Variants in KIF22 observed in about 807,000 individuals in gnomAD.
KIF22 encodes the protein kinesin family member 22.
KIF22 carries 62 observed loss-of-function variants against 73.0 expected under a neutral mutation model. The observed-to-expected ratio is 0.85, with a 90% CI of 0.69 to 1.05. KIF22 has a LOEUF of 1.05. Among genes scored for constraint, KIF22 ranks in the 50% least tolerant of loss-of-function variants. KIF22 has a pLI of 0.00. For synonymous variants in KIF22, 411 were observed against 340.1 expected (o/e 1.21, Z -2.29); for missense variants, 854 against 870.1 (o/e 0.98, Z 0.23).
At chr16:29,804,096 T>A (rs754366561) in intron 11 of KIF22, 31 bp downstream of exon 11, 2 of 1,570,924 alleles carry the variant, frequency 1.3e-6, no homozygotes, top group East Asian at 4.5e-5. Flanking sequence ...AGGCTACACC[T>A]GGAGCCCAGA....
At position 29,798,979 on chromosome 16, in the gene KIF22, T is replaced by C; in HGVS notation, c.554T>C (p.Leu185Ser). The C allele has an allele frequency of 6.2e-7, 1 of 1,614,074 alleles. No homozygotes were observed. The highest frequency in any genetic ancestry group is 1.1e-5 in the South Asian group (1 of 91,084). ...TCCCCTTCACTGCTTACACAGGTAT[T>C]AGACCTCCTGGACCCTGCTTCGGGA... ...SYLEIYQEKVLDLLDPASGDL... is the reference protein window; with the variant it reads ...SYLEIYQEKVSDLLDPASGDL... Residue 185 changes from leucine to serine, a missense_variant, in exon 5 of 14, where the codon TTA becomes TCA. Coordinates refer to ENST00000160827, the MANE Select transcript of KIF22 (RefSeq NM_007317.3). This position sits in a 1 kb window ranked among gnomAD's most constrained non-coding sequence, Gnocchi z 4.1.
Position 29,805,044 on chromosome 16 carries a change from TG to T in KIF22, c.1890+23del. On this transcript the variant is annotated intron_variant, in intron 12 of 13. Coordinates refer to ENST00000160827, the MANE Select transcript of KIF22 (RefSeq NM_007317.3). ...TCAGCCAGGTAGCAGCCCACTGGAC[TG>T]GGGGAGGGCGGGGGCGGGGGAGACC... The T allele has an allele frequency of 3.1e-6, 2 of 653,044 alleles. No homozygotes were observed. Among genetic ancestry groups the T allele is most frequent in the Non-Finnish European group, 5.4e-6 (2 of 368,034 alleles). 40.5% of individuals were successfully genotyped at this position (653,044 alleles called of 1,614,324 possible). A position where few individuals can be genotyped will look rare whatever the true frequency, so the allele number is the denominator to read the frequency against.
intron 8 of KIF22, among the ~76,000 whole-genome samples, 179 bp from the exon 9 acceptor site, chr16:29,802,590 C>T (rs984558611): frequency 2.6e-5 from 4 of 152,114 alleles, no homozygotes; most frequent in East Asian, 1.9e-4. Context: ...CTGGCATCCC[C>T]GAGCAGTCAC....
chr16:29,792,413 A>C, intron 1 of KIF22: 1 of 985,220 alleles, frequency 1.0e-6, no homozygotes, highest in Non-Finnish European at 1.2e-6. Flanking sequence ...TCATGATGGA[A>C]ATGAACAAGC....
At position 29,803,565 on chromosome 16, in the gene KIF22, GGCAAA is replaced by G; in HGVS notation, c.1569_1573del (p.Lys524ProfsTer29). 3 of 1,613,302 alleles carry G rather than the reference GGCAAA, an allele frequency of 1.9e-6. No individual in the cohort carries two copies. The highest frequency in any genetic ancestry group is 2.5e-6 in the Non-Finnish European group (3 of 1,179,580). ...CCCTTTCACATCGCACAGTCACAGG[GGCAAA>G]GCCCCTGAAAAAGGCTGTGGTGATG... On this transcript the variant is annotated frameshift_variant, in exon 10 of 14. Transcript: ENST00000160827. LOFTEE classifies it high-confidence loss of function.
At chr16:29,792,303 T>G (rs1482610684) in intron 1 of KIF22, among the ~76,000 whole-genome samples, 2 of 152,238 alleles carry the variant, frequency 1.3e-5, no homozygotes, top group African/African-American at 4.8e-5. Context: ...ATGAAAGGGC[T>G]AGACTCTTGT....
chr16:29,796,242 G>A (rs1213329064), intron 1 of KIF22, among the ~76,000 whole-genome samples: 13 of 135,028 alleles, frequency 9.6e-5, no homozygotes, highest in Non-Finnish European at 1.4e-4. Flanking sequence ...CTGCACTCCA[G>A]CCTGGGTGAC....
intron 11 of KIF22, chr16:29,804,542 G>A (rs1315020102): frequency 4.5e-6 from 3 of 672,448 alleles, no homozygotes; most frequent in Non-Finnish European, 8.2e-6. Context: ...CTTATTTTGT[G>A]CTTTACATTC....
intron 8 of KIF22, 88 bp from the exon 9 acceptor site, chr16:29,802,681 C>G: frequency 7.9e-7 from 1 of 1,263,690 alleles, no homozygotes; most frequent in Admixed American, 2.8e-5. Flanking sequence ...CAGGATATAC[C>G]AAGTTAAGGT....
At chr16:29,791,234 A>C in intron 1 of KIF22, 1 of 1,067,090 alleles carries the variant, frequency 9.4e-7, no homozygotes, top group Non-Finnish European at 1.1e-6. Context: ...GTGTATTGGG[A>C]AGGGTTCTGT....
Position 29,804,955 on chromosome 16 carries a change from C to T in KIF22, c.1819C>T (p.Leu607Phe), listed in dbSNP as rs756424534. 5 of 1,613,098 alleles carry T rather than the reference C, an allele frequency of 3.1e-6. No homozygotes were observed. The Admixed American group carries it at 5.0e-5, about 16-fold the overall frequency. ...AGGCTCAGCCCGAGATCTCCGCAGT[C>T]TTCAGCGCATTGGCCCGAAGAAGGC... ...NEGSARDLRS[L>F]QRIGPKKAQL... Residue 607 changes from leucine to phenylalanine, a missense_variant, in exon 12 of 14, where the codon CTT becomes TTT. Leu to Phe is a conservative substitution (Grantham distance 22, BLOSUM62 0). Coordinates refer to ENST00000160827, the MANE Select transcript of KIF22 (RefSeq NM_007317.3).
At chr16:29,796,280 A>AAAC (rs1411801760) in intron 1 of KIF22, among the ~76,000 whole-genome samples, 1 of 149,788 alleles carries the variant, frequency 6.7e-6, no homozygotes, top group Admixed American at 6.6e-5. Context: ...AAAAAAAAAA[A>AAAC]AAAAACACAC....
At chr16:29,791,121 G>A in intron 1 of KIF22, 1 of 1,349,730 alleles carries the variant, frequency 7.4e-7, no homozygotes, top group Non-Finnish European at 9.5e-7. Flanking sequence ...TTCTTCGTCT[G>A]TGAAACGGGG....
At position 29,804,489 on chromosome 16, in the gene KIF22, G is replaced by T. The variant is rs925328379; in HGVS notation, c.1678-325G>T. The stretch of plus-strand genomic sequence containing the variant: ...TCTCCCATGTACTTTTTGAAAGACA[G>T]CTTATTCTTTCCCTTTTAGAGATGA... On this transcript the variant is annotated intron_variant, in intron 11 of 13. Transcript: ENST00000160827. The T allele has an allele frequency of 4.6e-6, 3 of 649,160 alleles. No homozygotes were observed. In the East Asian group the frequency reaches 9.1e-5, roughly 20 times the overall value. 40.2% of individuals were successfully genotyped at this position (649,160 alleles called of 1,614,324 possible).
At chr16:29,796,753 T>C (rs1898962069) in intron 1 of KIF22, 140 bp from the exon 2 acceptor site, 2 of 730,882 alleles carry the variant, frequency 2.7e-6, no homozygotes, top group African/African-American at 3.5e-5. Flanking sequence ...AGGCCAAGCT[T>C]AGGGGTGTCC....
rs563610165 is a variant in KIF22 at position 29,796,817 on chromosome 16, C to A, written c.71-76C>A. On this transcript the variant is annotated intron_variant, in intron 1 of 13. Transcript: ENST00000160827. ...TCCAACATGAGCTGTGGCCCCCAGC[C>A]CGCCCAGCAAAGTTGGTCCCTGCTT... The A allele has an allele frequency of 1.3e-3, 1,896 of 1,410,734 alleles. 27 individuals carry two copies. In the South Asian group the frequency reaches 0.017, roughly 13 times the overall value. The allele number at this position is 1,410,734 out of a possible 1,614,324, so 87.4% of individuals were successfully genotyped here. A position where few individuals can be genotyped will look rare whatever the true frequency, so the allele number is the denominator to read the frequency against.
At chr16:29,804,633 C>A (rs898933440) in intron 11 of KIF22, 181 bp from the exon 12 acceptor site, 1 of 700,908 alleles carries the variant, frequency 1.4e-6, no homozygotes, top group Non-Finnish European at 2.6e-6. Flanking sequence ...ACCTCTCTTT[C>A]ACTAGTTGCA....
intron 5 of KIF22, 21 bp downstream of exon 5, chr16:29,799,205 G>A (rs375298225): frequency 9.9e-6 from 16 of 1,611,246 alleles, no homozygotes; most frequent in South Asian, 3.3e-5. Context: ...AGACAGGGGC[G>A]AGGACCTGGG....
At chr16:29,799,869 A>C (rs373230142) in intron 7 of KIF22, 44 bp from the exon 8 acceptor site, 1 of 1,612,414 alleles carries the variant, frequency 6.2e-7, no homozygotes, top group Non-Finnish European at 8.5e-7. Flanking sequence ...ACAGAGGCTG[A>C]CCACCCCCAA....
Sources: allele counts gnomAD v4.1 joint callset (sites outside exome capture counted in the v4.1 genomes callset), GRCh38; gene constraint gnomAD v4.1.1; non-coding constraint Gnocchi (gnomAD v3.1); transcripts MANE v1.5; gene names NCBI Gene and HGNC (gene_info 2026-07-23, HGNC 2026-07-21).